The following ACADM variants were observed in gnomAD, a reference collection of about 807,000 sequenced individuals.
ACADM encodes the protein acyl-CoA dehydrogenase medium chain.
In ACADM, 49 loss-of-function variants were observed where a neutral mutation model predicts 58.9. The observed-to-expected ratio is 0.83, with a 90% CI of 0.66 to 1.06. The LOEUF (loss-of-function observed/expected upper bound fraction) is 1.06. Among genes scored for constraint, ACADM ranks in the 50% least tolerant of loss-of-function variants. ACADM has a pLI of 0.00. For missense variants in ACADM, 496 were observed against 507.0 expected (o/e 0.98, Z 0.21); for synonymous variants, 160 against 157.7 (o/e 1.01, Z -0.11).
chr1:75,752,037 C>T (rs1243486279), intron 10 of ACADM, among the ~76,000 whole-genome samples: 4 of 144,778 alleles, frequency 2.8e-5, no homozygotes, highest in African/African-American at 1.0e-4. Context: ...TGCCCAAATG[C>T]GAGTGCAATG....
intron 9 of ACADM, 66 bp from the exon 10 acceptor site, chr1:75,750,385 T>G: frequency 7.6e-7 from 1 of 1,317,828 alleles, no homozygotes; most frequent in South Asian, 1.3e-5. Context: ...ACATAGACAC[T>G]TAGGCAGATA....
intron 6 of ACADM, among the ~76,000 whole-genome samples, chr1:75,738,101 A>G (rs969847199): frequency 5.3e-5 from 8 of 151,892 alleles, no homozygotes; most frequent in Non-Finnish European, 7.4e-5. Flanking sequence ...TATGTTTAGT[A>G]GAGACAAGAT....
At chr1:75,759,351 C>A (rs1027669157) in intron 10 of ACADM, among the ~76,000 whole-genome samples, 1 of 152,232 alleles carries the variant, frequency 6.6e-6, no homozygotes, top group Middle Eastern at 3.2e-3. Context: ...CCCTCTAATC[C>A]TGCCATCGTC....
Position 75,749,461 on chromosome 1 carries a change from G to A in ACADM, c.751G>A (p.Val251Ile), listed in dbSNP as rs897430591. The change falls in exon 9 of 12, where the codon GTC becomes ATC. Residue 251 changes from valine to isoleucine, a missense_variant. Coordinates refer to ENST00000370841, the MANE Select transcript of ACADM (RefSeq NM_000016.6). ...GQRCSDTRGI[V>I]FEDVKVPKEN... ...GCGATGTTCAGATACTAGAGGAATT[G>A]TCTTCGAAGATGTGAAAGTGCCTAA... The A allele has an allele frequency of 3.1e-6, 5 of 1,613,938 alleles. No individual in the cohort carries two copies. Among genetic ancestry groups the A allele is most frequent in the Non-Finnish European group, 4.2e-6 (5 of 1,179,950 alleles).
intron 3 of ACADM, 46 bp downstream of exon 3, chr1:75,732,787 A>G (rs41291506): frequency 6.2e-7 from 1 of 1,605,462 alleles, no homozygotes; most frequent in Non-Finnish European, 8.5e-7. Context: ...TACATTTTTT[A>G]CAAGATTATG....
intron 2 of ACADM, among the ~76,000 whole-genome samples, chr1:75,728,884 A>G (rs1042963844): frequency 1.3e-5 from 2 of 152,318 alleles, no homozygotes; most frequent in South Asian, 4.1e-4. Flanking sequence ...TGTTTTTGCT[A>G]TAATATATCC....
chr1:75,744,914 G>T, intron 7 of ACADM: 1 of 341,598 alleles, frequency 2.9e-6, no homozygotes, highest in Non-Finnish European at 5.7e-6. Flanking sequence ...GGCATAGACT[G>T]TCTTGTTGTA....
chr1:75,736,169 G>GACACACACACACACAC (rs1281866209), intron 6 of ACADM, among the ~76,000 whole-genome samples: 9 of 55,870 alleles, frequency 1.6e-4, no homozygotes, highest in African/African-American at 8.1e-4. Context: ...TACACACACA[G>GACACACACACACACAC]ACATACACAC....
At chr1:75,729,295 CTT>C (rs35372302) in intron 2 of ACADM, among the ~76,000 whole-genome samples, 2 of 85,348 alleles carry the variant, frequency 2.3e-5, no homozygotes, top group Non-Finnish European at 4.3e-5. Context: ...TTTCTTTTTT[CTT>C]TTTTTTTTTT....
chr1:75,748,188 G>A (rs1648003743), intron 8 of ACADM, among the ~76,000 whole-genome samples: 1 of 152,056 alleles, frequency 6.6e-6, no homozygotes, highest in South Asian at 2.1e-4. Flanking sequence ...CAAAGAGAAA[G>A]AGAAATAAAA....
intron 10 of ACADM, among the ~76,000 whole-genome samples, chr1:75,753,033 C>T (rs1557460437): frequency 1.3e-5 from 2 of 152,118 alleles, no homozygotes; most frequent in Admixed American, 1.3e-4. Flanking sequence ...TAAGAAACTC[C>T]GTACATTCCA....
At chr1:75,743,413 T>G in intron 7 of ACADM, 3 of 1,609,288 alleles carry the variant, frequency 1.9e-6, no homozygotes, top group Non-Finnish European at 2.5e-6. Flanking sequence ...GTGTGTGGGT[T>G]CCTCCTAAAG....
intron 5 of ACADM, 128 bp from the exon 6 acceptor site, chr1:75,734,663 T>C: frequency 2.8e-6 from 2 of 711,332 alleles, no homozygotes; most frequent in Non-Finnish European, 4.9e-6. Context: ...AGGCAAGGTA[T>C]AGGCCAGTTC....
intron 7 of ACADM, chr1:75,744,708 G>T (rs1647788840): frequency 1.3e-6 from 1 of 773,602 alleles, no homozygotes. Context: ...CTAGAGGGCA[G>T]TTCCCCTTCT....
intron 8 of ACADM, 140 bp downstream of exon 8, chr1:75,746,054 C>A: frequency 1.5e-6 from 1 of 681,614 alleles, no homozygotes; most frequent in South Asian, 1.8e-5. Context: ...GATATTAGAT[C>A]AAATAGTCTA....
rs1648140590 is a variant in ACADM at position 75,750,503 on chromosome 1, A to C, written c.902A>C (p.Lys301Thr). 6.2e-7 allele frequency: 1 copy of C among 1,612,664 alleles called. No homozygotes were observed. Among genetic ancestry groups the C allele is most frequent in the Non-Finnish European group, 8.5e-7 (1 of 1,179,938 alleles). The change falls in exon 10 of 12, where the codon AAG (lysine) becomes ACG (threonine). Residue 301 changes from lysine to threonine, a missense_variant. Physicochemically the swap from Lys to Thr is moderately conservative, Grantham distance 78. Transcript: ENST00000370841. ...LAQRALDEAT[K>T]YALERKTFGK... ...CAAAGAGCTTTGGATGAAGCTACCA[A>C]GTATGCCCTGGAAAGGAAAACTTTC...
In ACADM at chr1:75,740,130, T is replaced by C; in HGVS notation, c.599+20T>C. ...TAATTGGTATGTTGTTCAAAACATC[T>C]TTGTATATTTTTTCTTAATTGTTTT... On this transcript the variant is annotated intron_variant, in intron 7 of 11. Transcript: ENST00000370841. The C allele has an allele frequency of 6.3e-7, 1 of 1,598,478 alleles. No homozygotes were observed. Among genetic ancestry groups the C allele is most frequent in the East Asian group, 2.3e-5 (1 of 44,290 alleles).
At chr1:75,735,330 A>G (rs1647226828) in intron 6 of ACADM, among the ~76,000 whole-genome samples, 1 of 151,852 alleles carries the variant, frequency 6.6e-6, no homozygotes, top group African/African-American at 2.4e-5. Flanking sequence ...AAAAAAAAAA[A>G]AAAAAAAAAG....
chr1:75,725,395 T>G (rs1647036264), intron 1 of ACADM, among the ~76,000 whole-genome samples: 1 of 152,176 alleles, frequency 6.6e-6, no homozygotes, highest in African/African-American at 2.4e-5. Context: ...GCCATTTAGA[T>G]GTCACTTAAA....
Sources: gnomAD v4.1 joint callset for allele counts (sites outside exome capture counted in the v4.1 genomes callset) on GRCh38, gnomAD v4.1.1 for gene constraint, MANE v1.5 for transcripts, NCBI Gene and HGNC (gene_info 2026-07-23, HGNC 2026-07-21) for gene names.